PHKA1: variants seen among roughly 807,000 people sequenced by gnomAD.
PHKA1 encodes phosphorylase kinase regulatory subunit alpha 1.
Under a neutral mutation model 110.2 loss-of-function variants are expected in PHKA1, and 60 were observed. The ratio of observed to expected loss-of-function variants is 0.54; its 90% CI spans 0.44 to 0.68. The LOEUF (loss-of-function observed/expected upper bound fraction) is 0.68, where lower values mean the gene tolerates loss of function less well. Among genes scored for constraint, PHKA1 ranks in the 30% least tolerant of loss-of-function variants. The pLI is 0.00. For synonymous variants in PHKA1, 316 were observed against 333.6 expected, an observed-to-expected ratio of 0.95 and a Z score of 0.58; for missense variants, 801 against 942.5, an observed-to-expected ratio of 0.85 and a Z score of 1.97.
At chrX:72,621,579 A>G (rs6624621) in intron 18 of PHKA1, among the ~76,000 whole-genome samples, 62,569 of 110,622 alleles carry the variant, frequency 0.57, 14,837 homozygotes, top group East Asian at 0.98. Flanking sequence ...AGTTAGAAAA[A>G]CACACTATTC....
chrX:72,709,702 T>C (rs782751961), intron 2 of PHKA1, among the ~76,000 whole-genome samples: 3 of 110,598 alleles, frequency 2.7e-5, no homozygotes, highest in Admixed American at 9.7e-5. Context: ...TTCCAGAGAT[T>C]CATATTTAAA....
chrX:72,675,535 G>A (rs1341091874), intron 6 of PHKA1, among the ~76,000 whole-genome samples: 1 of 111,241 alleles, frequency 9.0e-6, no homozygotes, highest in Non-Finnish European at 1.9e-5. Flanking sequence ...TTCTCATAAT[G>A]GATATGTTTG....
intron 6 of PHKA1, among the ~76,000 whole-genome samples, chrX:72,674,231 A>G (rs1458344873): frequency 9.0e-6 from 1 of 110,507 alleles, no homozygotes; most frequent in Non-Finnish European, 1.9e-5. Context: ...GTTGGTTCCA[A>G]GTCTTTGCTA....
intron 23 of PHKA1, among the ~76,000 whole-genome samples, chrX:72,609,214 C>T (rs1556256284): frequency 8.9e-6 from 1 of 111,832 alleles, no homozygotes; most frequent in African/African-American, 3.3e-5. Flanking sequence ...CCTCACATTG[C>T]TCTGTAAGTA....
In PHKA1 at chrX:72,580,889, A is replaced by G; in HGVS notation, c.*113T>C. The G allele has an allele frequency of 1.5e-6, 1 of 686,761 alleles. No individual in the cohort carries two copies. The highest frequency in any genetic ancestry group is 3.5e-5 in the East Asian group (1 of 28,544). The allele number at this position is 686,761 out of a possible 1,213,427, so 56.6% of individuals were successfully genotyped here. ...GTTCTCTCTTCTTGGGAAGGATGGG[A>G]CAGAAAGGGGCAGGGTTGGAGTGAT... On this transcript the variant is annotated 3_prime_UTR_variant, in exon 32 of 32. Transcript: ENST00000373542.
At chrX:72,696,842 C>T (rs1556327607) in intron 3 of PHKA1, among the ~76,000 whole-genome samples, 2 of 111,168 alleles carry the variant, frequency 1.8e-5, no homozygotes, top group Admixed American at 9.5e-5. Context: ...AGTGGAGATG[C>T]CCCTGACCTT....
chrX:72,655,912 A>G (rs1353156509), intron 10 of PHKA1, among the ~76,000 whole-genome samples: 3 of 112,196 alleles, frequency 2.7e-5, no homozygotes, highest in African/African-American at 9.7e-5. Context: ...GAGCCACCAC[A>G]CGCGGCCGAA....
At chrX:72,608,931 A>G (rs1202915821) in intron 23 of PHKA1, among the ~76,000 whole-genome samples, 1 of 112,329 alleles carries the variant, frequency 8.9e-6, no homozygotes, top group Admixed American at 9.4e-5. Context: ...CTCTCTAAAA[A>G]TATTTCTTGG....
At chrX:72,671,588 T>G (rs1371517465) in intron 6 of PHKA1, among the ~76,000 whole-genome samples, 2 of 111,521 alleles carry the variant, frequency 1.8e-5, no homozygotes, top group Non-Finnish European at 3.8e-5. Flanking sequence ...AAAAACTACT[T>G]TAAAGTTCAT....
intron 13 of PHKA1, among the ~76,000 whole-genome samples, chrX:72,645,863 A>G (rs1196341946): frequency 8.9e-6 from 1 of 112,085 alleles, no homozygotes; most frequent in Non-Finnish European, 1.9e-5. Flanking sequence ...ACACCTAGGT[A>G]GTGTGGGGTT....
At chrX:72,636,136 A>G (rs2053227090) in intron 15 of PHKA1, 141 bp downstream of exon 15, 1 of 491,205 alleles carries the variant, frequency 2.0e-6, no homozygotes, top group African/African-American at 2.3e-5. Flanking sequence ...TCAACTCTAT[A>G]AATATTAACT....
At chrX:72,654,861 A>C (rs1291808137) in intron 10 of PHKA1, among the ~76,000 whole-genome samples, 1 of 99,789 alleles carries the variant, frequency 1.0e-5, no homozygotes, top group Non-Finnish European at 2.0e-5. Flanking sequence ...GCAGTGGCGC[A>C]ATCTCGGCTC....
chrX:72,671,279 T>C (rs1333762073), intron 6 of PHKA1, among the ~76,000 whole-genome samples: 5 of 111,469 alleles, frequency 4.5e-5, no homozygotes, highest in Non-Finnish European at 7.5e-5. Flanking sequence ...ACAAGCATTC[T>C]TATACACCAA....
Position 72,605,295 on chromosome X carries a change from G to C in PHKA1, c.2791C>G (p.Leu931Val). 8.3e-7 allele frequency: 1 copy of C among 1,205,139 alleles called. No homozygotes were observed. The highest frequency in any genetic ancestry group is 1.1e-6 in the Non-Finnish European group (1 of 889,383). ...GLIIQVMATELAHSLRCSAEE... is the reference protein window; with the variant it reads ...GLIIQVMATEVAHSLRCSAEE... ...CCTGAGCATCGAAGGGAGTGGGCCA[G>C]TTCTGTTGCCATAACTTGTATGATC... Residue 931 changes from leucine (L) to valine (V), a missense_variant, in exon 25 of 32, where the codon CTG (leucine) becomes GTG (valine). Physicochemically the swap from Leu to Val is conservative, Grantham distance 32 (BLOSUM62 1). Transcript: ENST00000373542.
At chrX:72,713,009 TGGGTTTTTTA>T (rs1361752735) in intron 1 of PHKA1, 72 bp from the exon 2 acceptor site, 67 of 1,112,421 alleles carry the variant, frequency 6.0e-5, no homozygotes, top group Non-Finnish European at 8.0e-5. Flanking sequence ...ATCTTCCAAA[TGGGTTTTTTA>T]GGGACTTTGG....
At position 72,680,827 on chromosome X, in the gene PHKA1, C is replaced by T. The variant is rs1236908468; in HGVS notation, c.537+3671G>A. On this transcript the variant is annotated intron_variant, in intron 5 of 31. Transcript: ENST00000373542. ...CAGTCTTTGCCGCCGCGCCGGCGAGCGCCGCCCGGGAGGCAGCGGCTGGAG... is the reference window on the plus strand; with the variant it reads ...CAGTCTTTGCCGCCGCGCCGGCGAGTGCCGCCCGGGAGGCAGCGGCTGGAG... Among the ~76,000 whole-genome samples, 27 of 81,561 alleles carry T rather than the reference C, an allele frequency of 3.3e-4. No homozygotes were observed. The East Asian group carries it at 9.0e-3, about 27-fold the overall frequency. The allele number at this position is 81,561 out of a possible 115,157, so 70.8% of individuals were successfully genotyped here.
chrX:72,629,416 T>C (rs1409426955), intron 16 of PHKA1, among the ~76,000 whole-genome samples: 1 of 111,881 alleles, frequency 8.9e-6, no homozygotes, highest in Non-Finnish European at 1.9e-5. Context: ...TTTACAGTGT[T>C]TAAAGTCTCC....
intron 14 of PHKA1, among the ~76,000 whole-genome samples, chrX:72,638,484 T>C (rs997369061): frequency 1.4e-4 from 16 of 110,722 alleles, no homozygotes; most frequent in Non-Finnish European, 3.0e-4. Flanking sequence ...CAAGTCATGG[T>C]TTTCTAAGTC....
At chrX:72,705,909 C>T (rs1474140470) in intron 2 of PHKA1, among the ~76,000 whole-genome samples, 1 of 111,659 alleles carries the variant, frequency 9.0e-6, no homozygotes, top group Non-Finnish European at 1.9e-5. Context: ...AAGGGCCCAT[C>T]AATCGTGGCA....
Sources: gnomAD v4.1 joint callset for allele counts (sites outside exome capture counted in the v4.1 genomes callset) on GRCh38, gnomAD v4.1.1 for gene constraint, MANE v1.5 for transcripts, NCBI Gene and HGNC (gene_info 2026-07-23, HGNC 2026-07-21) for gene names.